ESRRG: variants seen among roughly 807,000 people sequenced by gnomAD.
ESRRG encodes estrogen related receptor gamma.
A neutral mutation model predicts 44.0 loss-of-function variants in ESRRG; 13 were observed. The observed-to-expected ratio is 0.30, with a 90% CI of 0.19 to 0.47. The LOEUF (loss-of-function observed/expected upper bound fraction) is 0.47. ESRRG is among the 20% of genes least tolerant of loss of function. The pLI, the probability that ESRRG is intolerant of heterozygous loss-of-function variation, is 1.00. For synonymous variants in ESRRG, 215 were observed against 214.6 expected (o/e 1.00, Z -0.02); for missense variants, 395 against 580.6 (o/e 0.68, Z 3.29).
At chr1:216,849,813 A>C (rs1378841948) in intron 2 of ESRRG, among the ~76,000 whole-genome samples, 5 of 152,158 alleles carry the variant, frequency 3.3e-5, no homozygotes, top group Admixed American at 3.3e-4. Flanking sequence ...TACAAACAAC[A>C]GTAATATTGA....
intron 3 of ESRRG, among the ~76,000 whole-genome samples, chr1:216,604,830 AC>A (rs1326001481): frequency 6.6e-6 from 1 of 152,262 alleles, no homozygotes; most frequent in African/African-American, 2.4e-5. Flanking sequence ...TGCATTCTTG[AC>A]CTTTTTAACT....
intron 2 of ESRRG, among the ~76,000 whole-genome samples, chr1:216,830,815 G>T (rs2095475617): frequency 6.6e-6 from 1 of 152,022 alleles, no homozygotes; most frequent in African/African-American, 2.4e-5. Context: ...GGAGATACAG[G>T]GATAATGTTA....
intron 1 of ESRRG, among the ~76,000 whole-genome samples, chr1:216,698,000 C>A (rs2080526970): frequency 6.6e-6 from 1 of 152,130 alleles, no homozygotes; most frequent in African/African-American, 2.4e-5. Flanking sequence ...GCTGGCCACA[C>A]CCTAGAGACT....
upstream of ESRRG, among the ~76,000 whole-genome samples, chr1:217,094,081 C>T (rs936444614): frequency 2.0e-5 from 3 of 151,886 alleles, no homozygotes; most frequent in Non-Finnish European, 2.9e-5. Context: ...GATGAGGCCT[C>T]GCTATGTTGT....
chr1:216,539,453 C>T (rs1204337019), intron 5 of ESRRG, among the ~76,000 whole-genome samples: 2 of 151,970 alleles, frequency 1.3e-5, no homozygotes, highest in South Asian at 2.1e-4. Context: ...TTCCCCTTCC[C>T]CCCTACCTTG....
intron 1 of ESRRG, among the ~76,000 whole-genome samples, chr1:216,956,443 C>T (rs529674711): frequency 4.6e-5 from 7 of 152,246 alleles, no homozygotes; most frequent in Non-Finnish European, 1.0e-4. Context: ...TCTGAGTTAT[C>T]TACTCTGTTC....
chr1:216,734,273 A>G (rs1272443091), intron 2 of ESRRG, among the ~76,000 whole-genome samples: 2 of 152,112 alleles, frequency 1.3e-5, no homozygotes. Context: ...TTTGGCAAAA[A>G]TGTTCACACT....
intron 1 of ESRRG, among the ~76,000 whole-genome samples, chr1:216,687,047 CTG>C (rs869071444): frequency 1.3e-4 from 4 of 31,036 alleles, no homozygotes; most frequent in African/African-American, 2.9e-4. Flanking sequence ...GTGTGTGTGT[CTG>C]TGTGTGTGTG....
intron 1 of ESRRG, among the ~76,000 whole-genome samples, chr1:216,703,426 TTA>T (rs888563160): frequency 3.9e-5 from 6 of 152,226 alleles, no homozygotes; most frequent in Non-Finnish European, 7.3e-5. Context: ...TTACCTTTAA[TTA>T]AGTTTTGTCT....
intron 2 of ESRRG, among the ~76,000 whole-genome samples, chr1:216,881,373 T>A (rs937961084): frequency 1.3e-5 from 2 of 152,132 alleles, no homozygotes; most frequent in African/African-American, 4.8e-5. Flanking sequence ...CAATGGAAAG[T>A]CATTTTTCAG....
chr1:216,602,473 G>A (rs2059379416), intron 3 of ESRRG, among the ~76,000 whole-genome samples: 1 of 152,168 alleles, frequency 6.6e-6, no homozygotes, highest in Admixed American at 6.5e-5. Flanking sequence ...ATCAGAACTA[G>A]GGCCAACTGT....
At chr1:216,803,292 T>C (rs942317640) in intron 2 of ESRRG, among the ~76,000 whole-genome samples, 2 of 152,082 alleles carry the variant, frequency 1.3e-5, no homozygotes, top group African/African-American at 4.8e-5. Context: ...TTAAAATAAG[T>C]TATTAAATCT....
At chr1:216,801,720 TG>T (rs1342927004) in intron 2 of ESRRG, among the ~76,000 whole-genome samples, 2 of 152,154 alleles carry the variant, frequency 1.3e-5, no homozygotes, top group African/African-American at 2.4e-5. Context: ...ATATACCTAT[TG>T]GTCATTTTTC....
chr1:216,516,955 A>T (rs936399818), intron 6 of ESRRG, among the ~76,000 whole-genome samples: 1 of 152,172 alleles, frequency 6.6e-6, no homozygotes, highest in Non-Finnish European at 1.5e-5. Context: ...GTGGGTGAAG[A>T]AAAGGCCATA....
chr1:216,555,686 C>T (rs919129171), intron 5 of ESRRG, among the ~76,000 whole-genome samples: 5 of 152,230 alleles, frequency 3.3e-5, no homozygotes, highest in South Asian at 2.1e-4. Flanking sequence ...TATCTCTTTC[C>T]TCTGCTCTTT....
chr1:217,045,064 T>C (rs929308087), intron 1 of ESRRG, among the ~76,000 whole-genome samples: 10 of 152,216 alleles, frequency 6.6e-5, no homozygotes, highest in Non-Finnish European at 1.5e-4. Flanking sequence ...ACCTGGTTTA[T>C]TGAAGTGAAT....
chr1:217,024,589 C>A (rs181321795), intron 1 of ESRRG, among the ~76,000 whole-genome samples: 15 of 152,216 alleles, frequency 9.9e-5, no homozygotes, highest in Non-Finnish European at 1.8e-4. Flanking sequence ...TGCAATTATT[C>A]TTTTCTTAAT....
At chr1:216,703,391 A>T (rs1451279900) in intron 1 of ESRRG, among the ~76,000 whole-genome samples, 1 of 152,158 alleles carries the variant, frequency 6.6e-6, no homozygotes, top group Non-Finnish European at 1.5e-5. Flanking sequence ...GTCCTGGGCC[A>T]TATGTTGGAA....
rs72739434 is a variant in ESRRG at position 216,814,372 on chromosome 1, C to T, written c.-14+125210G>A. Among the ~76,000 whole-genome samples the T allele has an allele frequency of 5.7e-3, 875 of 152,230 alleles. 4 individuals carry two copies. The highest frequency in any genetic ancestry group is 9.1e-3 in the Non-Finnish European group (618 of 68,012). On this transcript the variant is annotated intron_variant, in intron 2 of 7. Coordinates refer to the ESRRG transcript ENST00000359162. ...ATGGTTATATAAACAGTTTTGTTTG[C>T]TTGTTTGGGGAATTGCTGGTCAAAA...
Sources: allele counts gnomAD v4.1 joint callset (sites outside exome capture counted in the v4.1 genomes callset), GRCh38; gene constraint gnomAD v4.1.1; transcripts MANE v1.5; gene names NCBI Gene and HGNC (gene_info 2026-07-23, HGNC 2026-07-21).